The following POLR3B variants were observed in gnomAD, a reference collection of about 807,000 sequenced individuals.
The protein encoded by POLR3B is RNA polymerase III subunit B.
Under a neutral mutation model 147.4 loss-of-function variants are expected in POLR3B, and 96 were observed. The ratio of observed to expected loss-of-function variants is 0.65; its 90% CI spans 0.55 to 0.77. The LOEUF (loss-of-function observed/expected upper bound fraction) is 0.77, where lower values mean the gene tolerates loss of function less well. Ranked by LOEUF, POLR3B falls within the 30% of genes least tolerant of loss-of-function variation. The pLI is 0.00. For missense variants in POLR3B, 1,036 were observed against 1,413.5 expected, an observed-to-expected ratio of 0.73 and a Z score of 4.28; for synonymous variants, 461 against 485.9, an observed-to-expected ratio of 0.95 and a Z score of 0.67.
chr12:106,406,595 T>C (rs1358931638), intron 11 of POLR3B, among the ~76,000 whole-genome samples: 1 of 152,216 alleles, frequency 6.6e-6, no homozygotes, highest in Non-Finnish European at 1.5e-5. Context: ...CTTCACTTAT[T>C]GTGAAGATTC....
chr12:106,449,231 A>G (rs2037766072), intron 19 of POLR3B, among the ~76,000 whole-genome samples: 2 of 152,236 alleles, frequency 1.3e-5, no homozygotes, highest in Non-Finnish European at 2.9e-5. Context: ...TACATGAAGC[A>G]AAGTTTGACT....
intron 20 of POLR3B, among the ~76,000 whole-genome samples, chr12:106,456,639 A>T (rs552896488): frequency 6.6e-6 from 1 of 152,310 alleles, no homozygotes; most frequent in Non-Finnish European, 1.5e-5. Flanking sequence ...AAGGATGTGT[A>T]TCCTGGCTCA....
intron 10 of POLR3B, among the ~76,000 whole-genome samples, chr12:106,403,466 A>AC (rs1220564651): frequency 6.6e-6 from 1 of 151,760 alleles, no homozygotes; most frequent in East Asian, 1.9e-4. Flanking sequence ...CTGGGTATAT[A>AC]CCCAAAGGAT....
chr12:106,370,444 A>G (rs529165567), intron 6 of POLR3B, among the ~76,000 whole-genome samples: 201 of 152,272 alleles, frequency 1.3e-3, no homozygotes, highest in African/African-American at 4.5e-3. Flanking sequence ...CCATTTGGTA[A>G]GGGGTCTAGA....
At chr12:106,483,948 C>T (rs2038304366) in intron 23 of POLR3B, among the ~76,000 whole-genome samples, 1 of 152,150 alleles carries the variant, frequency 6.6e-6, no homozygotes, top group African/African-American at 2.4e-5. Flanking sequence ...ACTAGGTGAA[C>T]TATTTTGTCC....
At chr12:106,502,901 A>AT (rs1188424278) in intron 26 of POLR3B, among the ~76,000 whole-genome samples, 1 of 152,082 alleles carries the variant, frequency 6.6e-6, no homozygotes, top group Non-Finnish European at 1.5e-5. Flanking sequence ...TATTTCCTAT[A>AT]TTTTGCTTTG....
chr12:106,405,104 A>T (rs555275444), intron 10 of POLR3B, among the ~76,000 whole-genome samples: 1 of 152,236 alleles, frequency 6.6e-6, no homozygotes, highest in African/African-American at 2.4e-5. Flanking sequence ...TCCTTGTGCC[A>T]GTATCACACT....
At chr12:106,415,039 TTCATCAAA>T (rs2037282653) in intron 12 of POLR3B, among the ~76,000 whole-genome samples, 1 of 152,154 alleles carries the variant, frequency 6.6e-6, no homozygotes, top group Admixed American at 6.6e-5. Flanking sequence ...ACACATCAGG[TTCATCAAA>T]TCATCAAATC....
intron 11 of POLR3B, 147 bp from the exon 12 acceptor site, chr12:106,410,679 C>A: frequency 1.3e-6 from 1 of 743,330 alleles, no homozygotes; most frequent in South Asian, 1.6e-5. Flanking sequence ...AGGAAATTTC[C>A]AGACTAGTTG....
intron 25 of POLR3B, among the ~76,000 whole-genome samples, chr12:106,497,468 A>G (rs2038512874): frequency 6.6e-6 from 1 of 152,178 alleles, no homozygotes; most frequent in Admixed American, 6.5e-5. Flanking sequence ...CTCGTCTCAA[A>G]AAATATAAAG....
At chr12:106,427,576 T>A (rs967749584) in intron 13 of POLR3B, among the ~76,000 whole-genome samples, 1 of 152,138 alleles carries the variant, frequency 6.6e-6, no homozygotes, top group Admixed American at 6.6e-5. Context: ...AATAAGAAAA[T>A]AGATACTCTT....
chr12:106,397,707 T>G (rs528622460), intron 10 of POLR3B, among the ~76,000 whole-genome samples: 1 of 152,334 alleles, frequency 6.6e-6, no homozygotes, highest in South Asian at 2.1e-4. Context: ...CTGAGTAGTA[T>G]TTCGTTATAT....
chr12:106,461,203 C>T (rs1203482906), intron 22 of POLR3B, among the ~76,000 whole-genome samples: 5 of 152,086 alleles, frequency 3.3e-5, no homozygotes, highest in African/African-American at 9.7e-5. Flanking sequence ...AAGTGATTCT[C>T]CTGCCTCAGC....
intron 19 of POLR3B, among the ~76,000 whole-genome samples, chr12:106,445,077 A>C (rs2037703869): frequency 6.6e-6 from 1 of 152,176 alleles, no homozygotes. Context: ...AAACTTATCC[A>C]ATTCATGTCA....
At chr12:106,482,414 A>G (rs1280350954) in intron 23 of POLR3B, among the ~76,000 whole-genome samples, 1 of 152,180 alleles carries the variant, frequency 6.6e-6, no homozygotes, top group Non-Finnish European at 1.5e-5. Flanking sequence ...GCTGTACAGG[A>G]AGCATGGCTA....
chr12:106,434,564 A>G (rs2037552252), intron 16 of POLR3B, among the ~76,000 whole-genome samples: 1 of 151,820 alleles, frequency 6.6e-6, no homozygotes, highest in South Asian at 2.1e-4. Context: ...GGTACTATCT[A>G]GGAGCCGGAG....
intron 20 of POLR3B, among the ~76,000 whole-genome samples, chr12:106,456,222 G>C (rs1331843976): frequency 6.6e-6 from 1 of 152,140 alleles, no homozygotes; most frequent in Non-Finnish European, 1.5e-5. Flanking sequence ...CAGCTGTTTT[G>C]GGTAACTCTA....
intron 11 of POLR3B, among the ~76,000 whole-genome samples, chr12:106,407,044 C>T (rs564253177): frequency 1.3e-5 from 2 of 152,314 alleles, no homozygotes; most frequent in African/African-American, 4.8e-5. Context: ...ACCCTTCAAT[C>T]CAAATAATAC....
chr12:106,493,045 C>T (rs952470524), intron 23 of POLR3B, among the ~76,000 whole-genome samples: 14 of 152,038 alleles, frequency 9.2e-5, no homozygotes, highest in Non-Finnish European at 1.8e-4. Flanking sequence ...GTTGAGACAC[C>T]AGCTTGAGCC....
Sources: gnomAD v4.1 joint callset for allele counts (sites outside exome capture counted in the v4.1 genomes callset) on GRCh38, gnomAD v4.1.1 for gene constraint, MANE v1.5 for transcripts, NCBI Gene and HGNC (gene_info 2026-07-23, HGNC 2026-07-21) for gene names.